The following AJAP1 variants were observed in gnomAD, a reference collection of about 807,000 sequenced individuals.
AJAP1 encodes adherens junction-associated protein 1.
A neutral mutation model predicts 35.0 loss-of-function variants in AJAP1; 5 were observed. The observed-to-expected ratio is 0.14, with a 90% CI of 0.07 to 0.30. The LOEUF (loss-of-function observed/expected upper bound fraction) is 0.30, where lower values mean the gene tolerates loss of function less well. Among genes scored for constraint, AJAP1 ranks in the 10% least tolerant of loss-of-function variants. The pLI is 1.00. For missense variants in AJAP1, 586 were observed against 571.0 expected (o/e 1.03, Z -0.27); for synonymous variants, 284 against 249.3 (o/e 1.14, Z -1.31).
intron 1 of AJAP1, among the ~76,000 whole-genome samples, chr1:4,704,986 C>T (rs1247992377): frequency 2.6e-5 from 4 of 152,090 alleles, no homozygotes; most frequent in Non-Finnish European, 5.9e-5. Flanking sequence ...TGTCCTTCAC[C>T]CACTTTTTGA....
In AJAP1 at chr1:4,662,767, G is replaced by A. The variant is rs147297808; in HGVS notation, c.29+7313G>A. On this transcript the variant is annotated intron_variant, in intron 1 of 5. Transcript: ENST00000378191. ...CCTACACACAAGCCATTGTTGATTC[G>A]AACATTTCGCATTCAATAAGCATTT... 3.4e-3 allele frequency among the ~76,000 whole-genome samples: 512 copies of A among 152,336 alleles called. 4 individuals are homozygous for A. The highest frequency in any genetic ancestry group is 0.011 in the African/African-American group (472 of 41,588).
intron 1 of AJAP1, among the ~76,000 whole-genome samples, chr1:4,703,671 C>G (rs925246959): frequency 4.6e-5 from 7 of 152,120 alleles, no homozygotes. Context: ...AGAAAGAGGC[C>G]CAAGGTACTT....
chr1:4,658,917 C>T (rs368942148), intron 1 of AJAP1, among the ~76,000 whole-genome samples: 44 of 152,298 alleles, frequency 2.9e-4, no homozygotes, highest in African/African-American at 7.7e-4. Flanking sequence ...GTCTTTCTAG[C>T]GGGGGTCGCT....
intron 2 of AJAP1, among the ~76,000 whole-genome samples, chr1:4,742,668 C>G (rs431966): frequency 0.23 from 35,260 of 152,070 alleles, 4,616 homozygotes; most frequent in Non-Finnish European, 0.3. Flanking sequence ...AGCTGACAGC[C>G]TTTTCAATTC....
At chr1:4,765,625 C>G (rs1247655352) in intron 2 of AJAP1, among the ~76,000 whole-genome samples, 1 of 152,158 alleles carries the variant, frequency 6.6e-6, no homozygotes, top group African/African-American at 2.4e-5. Flanking sequence ...ATTCCATAAT[C>G]TGAACATTCT....
Position 4,784,292 on chromosome 1 carries a change from C to G in AJAP1, c.*1807C>G, listed in dbSNP as rs1353220861. 6.6e-6 allele frequency: 1 copy of G among 152,254 alleles called. No homozygotes were observed. The highest frequency in any genetic ancestry group is 1.5e-5 in the Non-Finnish European group (1 of 68,062). The allele number at this position is 152,254 out of a possible 1,614,324, so 9.4% of individuals were successfully genotyped here. ...GATGCATCTCATGGCCCACGCTGTG[C>G]CTCCTTAAAGGATGTTTCCTGTCCA... On this transcript the variant is annotated 3_prime_UTR_variant, in exon 6 of 6. Transcript: ENST00000378191.
At position 4,655,515 on chromosome 1, in the gene AJAP1, C is replaced by T; in HGVS notation, c.29+61C>T. 6.5e-7 allele frequency: 1 copy of T among 1,536,572 alleles called. No homozygotes were observed. Among genetic ancestry groups the T allele is most frequent in the South Asian group, 1.2e-5 (1 of 85,976 alleles). On this transcript the variant is annotated intron_variant, in intron 1 of 5. Transcript: ENST00000378191. This position sits in a 1 kb window ranked among gnomAD's most constrained non-coding sequence, Gnocchi z 6.9. Reference sequence around the variant, plus strand: ...GCGTGGGTGCCAGGCTGGGCGGAAGCGGCGCTTTCCTCTATGTTGCAAATC... The same window carrying T: ...GCGTGGGTGCCAGGCTGGGCGGAAGTGGCGCTTTCCTCTATGTTGCAAATC...
chr1:4,790,059 T>C lies in AJAP1; in HGVS notation c.*7574T>C, dbSNP rs1642225714. On this transcript the variant is annotated 3_prime_UTR_variant, in exon 6 of 6. Coordinates refer to ENST00000378191, the MANE Select transcript of AJAP1 (RefSeq NM_018836.4). ...ACCCACTGTGACACCCCAACCCTAA[T>C]TTCCAACCTTTGGAGGACTCACCTG... 1 of 152,230 alleles carries C rather than the reference T, an allele frequency of 6.6e-6. No homozygotes were observed. Among genetic ancestry groups the C allele is most frequent in the Admixed American group, 6.5e-5 (1 of 15,272 alleles). 9.4% of individuals were successfully genotyped at this position (152,230 alleles called of 1,614,324 possible).
Position 4,666,835 on chromosome 1 carries a change from T to TGG in AJAP1, c.29+11381_29+11382insGG. On this transcript the variant is annotated intron_variant, in intron 1 of 5. Transcript: ENST00000378191. ...GAGGGGCCCATGAATCACGGAGGGG[T>TGG]TGCAGAGAGGAGCCTGTGAATCACA... Among the ~76,000 whole-genome samples, 5 of 133,406 alleles carry TGG rather than the reference T, an allele frequency of 3.7e-5. 1 individual carries two copies. Among genetic ancestry groups the TGG allele is most frequent in the East Asian group, 2.3e-4 (1 of 4,324 alleles). 87.5% of individuals were successfully genotyped at this position (133,406 alleles called of 152,430 possible). A position where few individuals can be genotyped will look rare whatever the true frequency, so the allele number is the denominator to read the frequency against.
intron 1 of AJAP1, among the ~76,000 whole-genome samples, chr1:4,663,328 C>A (rs893170564): frequency 1.2e-4 from 18 of 151,834 alleles, no homozygotes; most frequent in African/African-American, 3.9e-4. Flanking sequence ...AGGCACAGGG[C>A]AGACTGTGGA....
intron 1 of AJAP1, among the ~76,000 whole-genome samples, chr1:4,710,386 T>A (rs4654594): frequency 9.2e-5 from 14 of 152,004 alleles, no homozygotes; most frequent in Admixed American, 9.2e-4. Context: ...CACTCATGTA[T>A]GCTGGCTCAC....
intron 1 of AJAP1, among the ~76,000 whole-genome samples, chr1:4,704,633 T>G (rs1030441713): frequency 3.3e-5 from 5 of 152,190 alleles, no homozygotes; most frequent in African/African-American, 1.2e-4. Context: ...GCATGTGTCT[T>G]TATAGCAGCA....
In AJAP1 at chr1:4,693,884, G is replaced by A. The variant is rs1299534880; in HGVS notation, c.30-18016G>A. Among the ~76,000 whole-genome samples the A allele has an allele frequency of 2.0e-5, 3 of 152,154 alleles. No homozygotes were observed. The East Asian group carries it at 5.8e-4, about 29-fold the overall frequency. ...CATTCAAGGGGGCAGAGCCTTCAGGGCCCCCTCACCTCTTACAGGTCCCAC... is the reference window on the plus strand; with the variant it reads ...CATTCAAGGGGGCAGAGCCTTCAGGACCCCCTCACCTCTTACAGGTCCCAC... On this transcript the variant is annotated intron_variant, in intron 1 of 5. Coordinates refer to ENST00000378191, the MANE Select transcript of AJAP1 (RefSeq NM_018836.4). This position sits in a 1 kb window ranked among gnomAD's most constrained non-coding sequence, Gnocchi z 4.4.
At chr1:4,721,763 C>A (rs1355538206) in intron 2 of AJAP1, among the ~76,000 whole-genome samples, 1 of 152,184 alleles carries the variant, frequency 6.6e-6, no homozygotes, top group East Asian at 1.9e-4. Context: ...AGAGCCAGTG[C>A]CCGAGTTTGT....
intron 1 of AJAP1, among the ~76,000 whole-genome samples, chr1:4,672,368 G>A (rs899243956): frequency 6.6e-6 from 1 of 152,170 alleles, no homozygotes; most frequent in African/African-American, 2.4e-5. Flanking sequence ...TTTCATCTTG[G>A]GTGCATTACA....
At chr1:4,688,210 G>C (rs1203479384) in intron 1 of AJAP1, among the ~76,000 whole-genome samples, 1 of 152,184 alleles carries the variant, frequency 6.6e-6, no homozygotes, top group Non-Finnish European at 1.5e-5. Context: ...ACACTTCGGA[G>C]GTTGGTGGCA....
At chr1:4,713,001 G>C (rs1640301030) in intron 2 of AJAP1, among the ~76,000 whole-genome samples, 1 of 152,140 alleles carries the variant, frequency 6.6e-6, no homozygotes, top group African/African-American at 2.4e-5. Context: ...CCCTGTTACA[G>C]ACCGGTGGAA....
rs941243952 is a variant in AJAP1, at chr1:4,655,730, G to C, written c.29+276G>C. On this transcript the variant is annotated intron_variant, in intron 1 of 5. Transcript: ENST00000378191. This position sits in a 1 kb window ranked among gnomAD's most constrained non-coding sequence, Gnocchi z 6.9. ...ACCCGGGAAGTGGGGCCGGCCAGGC[G>C]CGCCCGCAGCTCTAGGAGCCAGCAG... 1.3e-5 allele frequency among the ~76,000 whole-genome samples: 2 copies of C among 150,454 alleles called. No individual in the cohort carries two copies. Among genetic ancestry groups the C allele is most frequent in the African/African-American group, 4.9e-5 (2 of 41,228 alleles).
chr1:4,695,954 T>C (rs2100235021), intron 1 of AJAP1, among the ~76,000 whole-genome samples: 1 of 150,844 alleles, frequency 6.6e-6, no homozygotes, highest in South Asian at 2.1e-4. Flanking sequence ...AGTTCTCTCG[T>C]ACTGGGGGGT....
Sources: allele counts gnomAD v4.1 joint callset (sites outside exome capture counted in the v4.1 genomes callset), GRCh38; gene constraint gnomAD v4.1.1; non-coding constraint Gnocchi (gnomAD v3.1); transcripts MANE v1.5; gene names NCBI Gene and HGNC (gene_info 2026-07-23, HGNC 2026-07-21).